The following CD163L1 variants were observed in gnomAD, a reference collection of about 807,000 sequenced individuals.
The protein encoded by CD163L1 is CD163 molecule like 1, also known as scavenger receptor cysteine-rich type 1 protein M160.
A neutral mutation model predicts 165.4 loss-of-function variants in CD163L1; 124 were observed. The observed-to-expected ratio is 0.75, with a 90% CI of 0.65 to 0.87. The LOEUF (loss-of-function observed/expected upper bound fraction) is 0.87. CD163L1 is among the 40% of genes least tolerant of loss of function. The probability of loss-of-function intolerance (pLI) is 0.00; values close to 1 mark genes in which losing one functional copy is unlikely to be tolerated. For missense variants in CD163L1, 1,525 were observed against 1,799.9 expected, an observed-to-expected ratio of 0.85 and a Z score of 2.76; for synonymous variants, 585 against 662.2, an observed-to-expected ratio of 0.88 and a Z score of 1.79.
chr12:7,427,170 G>A (rs73059772), intron 4 of CD163L1, among the ~76,000 whole-genome samples: 3,263 of 148,726 alleles, frequency 0.022, 62 homozygotes, highest in Non-Finnish European at 0.029. Context: ...AGGAAATAGC[G>A]GACTTGAACA....
chr12:7,420,142 T>C (rs1369528116), intron 4 of CD163L1, among the ~76,000 whole-genome samples: 1 of 151,986 alleles, frequency 6.6e-6, no homozygotes, highest in Non-Finnish European at 1.5e-5. Context: ...ACTGGGATAA[T>C]TGGCAAGCCA....
rs1947960502 is a variant in CD163L1 at position 7,403,827 on chromosome 12, T to C, written c.1116A>G (p.Ala372=). ...SDGADLELRL[A]DGSNNCSGRV... ...TCCCTGAACAATTGTTACTTCCATC[T>C]GCTAGTCGCAGTTCCAAATCTGCTC... is the stretch of plus-strand genomic sequence containing the variant. Residue 372 remains alanine (A), a synonymous_variant, in exon 6 of 20, where the codon GCA becomes GCG. Coordinates refer to ENST00000313599, the MANE Select transcript of CD163L1 (RefSeq NM_174941.6). 6.2e-7 allele frequency: 1 copy of C among 1,613,466 alleles called. No homozygotes were observed. The highest frequency in any genetic ancestry group is 1.1e-5 in the South Asian group (1 of 91,048).
chr12:7,424,288 T>TAA (rs140177404), intron 4 of CD163L1, among the ~76,000 whole-genome samples: 1 of 146,672 alleles, frequency 6.8e-6, no homozygotes, highest in Non-Finnish European at 1.5e-5. Context: ...CCCTTCATGG[T>TAA]AAAAAAAAAA....
chr12:7,391,087 G>A (rs1280866699), intron 8 of CD163L1, among the ~76,000 whole-genome samples: 1 of 152,144 alleles, frequency 6.6e-6, no homozygotes, highest in African/African-American at 2.4e-5. Flanking sequence ...GGTCTGGAGT[G>A]GACCTCCAGC....
the CD163L1 span, among the ~76,000 whole-genome samples, chr12:7,322,912 T>TGGCCC: frequency 1.4e-4 from 21 of 152,222 alleles, no homozygotes; most frequent in East Asian, 1.4e-3. Flanking sequence ...TTTCAAAGTG[T>TGGCCC]GGCCCTCAAA....
At chr12:7,424,131 G>T (rs866411420) in intron 4 of CD163L1, among the ~76,000 whole-genome samples, 1 of 152,032 alleles carries the variant, frequency 6.6e-6, no homozygotes, top group African/African-American at 2.4e-5. Flanking sequence ...TATCCACCAC[G>T]ATCAAATCGG....
chr12:7,362,141 A>G (rs891904508), intron 18 of CD163L1, among the ~76,000 whole-genome samples: 38 of 146,994 alleles, frequency 2.6e-4, no homozygotes, highest in African/African-American at 8.4e-4. Context: ...TATTATATAT[A>G]CTATATATTA....
chr12:7,397,572 A>C (rs912870035), intron 7 of CD163L1, among the ~76,000 whole-genome samples: 3 of 152,184 alleles, frequency 2.0e-5, no homozygotes, highest in Non-Finnish European at 4.4e-5. Flanking sequence ...AACAGTAGAG[A>C]CAACCATCCA....
At chr12:7,332,332 G>C in the CD163L1 span, among the ~76,000 whole-genome samples, 2 of 152,180 alleles carry the variant, frequency 1.3e-5, no homozygotes, top group Non-Finnish European at 2.9e-5. Flanking sequence ...GTGACGGGGA[G>C]AATGGAACCA....
intron 4 of CD163L1, among the ~76,000 whole-genome samples, chr12:7,425,348 G>A (rs2136610204): frequency 6.6e-6 from 1 of 152,254 alleles, no homozygotes. Context: ...ATGGATTAAA[G>A]ACTTAAATGT....
chr12:7,323,494 C>T, the CD163L1 span: 1 of 1,613,922 alleles, frequency 6.2e-7, no homozygotes, highest in Non-Finnish European at 8.5e-7. Context: ...TACCACCTGG[C>T]AAAGAAGGGG....
chr12:7,322,853 C>A, the CD163L1 span, among the ~76,000 whole-genome samples: 1 of 152,114 alleles, frequency 6.6e-6, no homozygotes, highest in East Asian at 1.9e-4. Flanking sequence ...CTGAGAGCGT[C>A]CATGGGAAAT....
chr12:7,389,915 C>T (rs1172995612), intron 8 of CD163L1, among the ~76,000 whole-genome samples: 1 of 146,780 alleles, frequency 6.8e-6, no homozygotes, highest in African/African-American at 2.5e-5. Context: ...ACCTAAGTGT[C>T]CATCAAAGGA....
At chr12:7,391,813 A>G (rs1947660922) in intron 8 of CD163L1, among the ~76,000 whole-genome samples, 1 of 152,224 alleles carries the variant, frequency 6.6e-6, no homozygotes, top group Admixed American at 6.5e-5. Flanking sequence ...AACGAAGATC[A>G]AAAGAGACAA....
At chr12:7,436,638 G>A (rs921005321) in intron 2 of CD163L1, among the ~76,000 whole-genome samples, 1 of 151,866 alleles carries the variant, frequency 6.6e-6, no homozygotes, top group African/African-American at 2.4e-5. Flanking sequence ...TGGGTATAGT[G>A]GCACACATCT....
At chr12:7,395,174 G>A (rs1475729350) in intron 8 of CD163L1, among the ~76,000 whole-genome samples, 1 of 152,190 alleles carries the variant, frequency 6.6e-6, no homozygotes, top group Non-Finnish European at 1.5e-5. Flanking sequence ...ATTCACAATA[G>A]CAAAGACTTG....
intron 4 of CD163L1, among the ~76,000 whole-genome samples, chr12:7,424,280 C>T (rs1565812832): frequency 1.7e-5 from 1 of 59,176 alleles, no homozygotes; most frequent in Admixed American, 1.4e-4. Context: ...TTCAACATCC[C>T]TTCATGGTAA....
intron 6 of CD163L1, among the ~76,000 whole-genome samples, chr12:7,401,329 C>T (rs1408504563): frequency 6.6e-6 from 1 of 151,308 alleles, no homozygotes; most frequent in Non-Finnish European, 1.5e-5. Flanking sequence ...TTCAGTTATT[C>T]TAAAATATGA....
chr12:7,373,939 A>G (rs1487460059), intron 13 of CD163L1, among the ~76,000 whole-genome samples: 1 of 152,126 alleles, frequency 6.6e-6, no homozygotes, highest in Non-Finnish European at 1.5e-5. Flanking sequence ...AATAATCAGG[A>G]GGTTAACCTC....
Sources: allele counts gnomAD v4.1 joint callset (sites outside exome capture counted in the v4.1 genomes callset), GRCh38; gene constraint gnomAD v4.1.1; transcripts MANE v1.5; gene names NCBI Gene and HGNC (gene_info 2026-07-23, HGNC 2026-07-21).